ADGRB3: variants seen among roughly 807,000 people sequenced by gnomAD.
The protein encoded by ADGRB3 is adhesion G protein-coupled receptor B3, also known as brain-specific angiogenesis inhibitor 3.
ADGRB3 carries 37 observed loss-of-function variants against 193.4 expected under a neutral mutation model. The ratio of observed to expected loss-of-function variants is 0.19; its 90% confidence interval spans 0.15 to 0.25. The LOEUF (loss-of-function observed/expected upper bound fraction) is 0.25. Ranked by LOEUF, ADGRB3 falls within the 10% of genes least tolerant of loss-of-function variation. The pLI, the probability that ADGRB3 is intolerant of heterozygous loss-of-function variation, is 1.00. For missense variants in ADGRB3, 1,637 were observed against 1,852.9 expected (o/e 0.88, Z 2.14); for synonymous variants, 690 against 644.2 (o/e 1.07, Z -1.08).
intron 3 of ADGRB3, among the ~76,000 whole-genome samples, chr6:68,842,613 A>C (rs1017647784): frequency 6.6e-6 from 1 of 151,952 alleles, no homozygotes; most frequent in Non-Finnish European, 1.5e-5. Flanking sequence ...TATTGATCCT[A>C]CTCAAACTAG....
intron 17 of ADGRB3, among the ~76,000 whole-genome samples, chr6:69,168,217 G>A (rs945303549): frequency 2.6e-5 from 4 of 152,084 alleles, no homozygotes; most frequent in Non-Finnish European, 5.9e-5. Flanking sequence ...CAGTAGAAAC[G>A]TACAGTATAT....
chr6:69,011,814 T>G (rs1161142642), intron 11 of ADGRB3, among the ~76,000 whole-genome samples: 1 of 152,020 alleles, frequency 6.6e-6, no homozygotes, highest in African/African-American at 2.4e-5. Flanking sequence ...GCCCCACTGC[T>G]TGAGACATTC....
chr6:68,812,831 C>T (rs1582221841), intron 3 of ADGRB3, among the ~76,000 whole-genome samples: 1 of 151,714 alleles, frequency 6.6e-6, no homozygotes, highest in African/African-American at 2.4e-5. Flanking sequence ...CCTAGCCCCC[C>T]AACCCCCCAC....
At chr6:68,900,544 A>G (rs1479541137) in intron 3 of ADGRB3, among the ~76,000 whole-genome samples, 1 of 152,154 alleles carries the variant, frequency 6.6e-6, no homozygotes, top group Admixed American at 6.6e-5. Context: ...TTTATTAAAC[A>G]AGTAGATAGG....
chr6:69,326,114 A>G (rs1027834835), intron 21 of ADGRB3, among the ~76,000 whole-genome samples: 16 of 152,198 alleles, frequency 1.1e-4, no homozygotes, highest in Middle Eastern at 3.4e-3. Flanking sequence ...GTGATGGCAC[A>G]TACCTGTAGT....
chr6:68,902,182 C>T lies in ADGRB3; in HGVS notation c.758-28377C>T, dbSNP rs76111468. 1.5e-3 allele frequency among the ~76,000 whole-genome samples: 235 copies of T among 152,148 alleles called. 6 individuals are homozygous for T. The East Asian group carries it at 0.043, about 28-fold the overall frequency. ...GTGTGTGAATAACGAGGTATTCACACTGTTACTTCTGATTCAAAATGGCAG... is the reference window on the plus strand; with the variant it reads ...GTGTGTGAATAACGAGGTATTCACATTGTTACTTCTGATTCAAAATGGCAG... On this transcript the variant is annotated intron_variant, in intron 3 of 31. Coordinates refer to ENST00000370598, the MANE Select transcript of ADGRB3 (RefSeq NM_001704.3).
chr6:68,992,256 C>A (rs1039058960), intron 10 of ADGRB3, among the ~76,000 whole-genome samples: 3 of 152,122 alleles, frequency 2.0e-5, no homozygotes, highest in African/African-American at 4.8e-5. Flanking sequence ...GGTAGAATAT[C>A]TATTGTGAAA....
At chr6:69,263,113 A>T (rs552423238) in intron 20 of ADGRB3, among the ~76,000 whole-genome samples, 2 of 152,086 alleles carry the variant, frequency 1.3e-5, no homozygotes, top group South Asian at 4.1e-4. Flanking sequence ...CTCTCAAGAG[A>T]TATTAAAGGA....
At chr6:68,725,087 A>G (rs1765650136) in intron 3 of ADGRB3, among the ~76,000 whole-genome samples, 1 of 151,648 alleles carries the variant, frequency 6.6e-6, no homozygotes, top group Admixed American at 6.6e-5. Context: ...AAGCATTGGT[A>G]TAGTCTAGGC....
chr6:68,785,191 A>G (rs563899598), intron 3 of ADGRB3, among the ~76,000 whole-genome samples: 1 of 152,180 alleles, frequency 6.6e-6, no homozygotes, highest in Non-Finnish European at 1.5e-5. Flanking sequence ...GTTTTAGGGT[A>G]CATGTGCACA....
At chr6:69,164,982 C>T (rs1168346531) in intron 17 of ADGRB3, among the ~76,000 whole-genome samples, 1 of 151,470 alleles carries the variant, frequency 6.6e-6, no homozygotes, top group African/African-American at 2.4e-5. Flanking sequence ...CTTTCTATGC[C>T]CCACCCCTCC....
At chr6:68,779,962 G>A (rs1430763658) in intron 3 of ADGRB3, among the ~76,000 whole-genome samples, 2 of 151,950 alleles carry the variant, frequency 1.3e-5, no homozygotes, top group Non-Finnish European at 2.9e-5. Context: ...ATTTTTCTTT[G>A]AAAATAATGA....
At position 68,940,148 on chromosome 6, in the gene ADGRB3, C is replaced by G. The variant is rs191080246; in HGVS notation, c.1030+3468C>G. On this transcript the variant is annotated intron_variant, in intron 5 of 31. Coordinates refer to ENST00000370598, the MANE Select transcript of ADGRB3 (RefSeq NM_001704.3). ...TTGACATTGTACTCTCTTCAAAAGC[C>G]TTTATTACTCAAAGTAAAAAACAAT... Among the ~76,000 whole-genome samples the G allele has an allele frequency of 2.6e-5, 4 of 152,188 alleles. No individual in the cohort carries two copies. In the East Asian group the frequency reaches 7.7e-4, roughly 29 times the overall value.
intron 17 of ADGRB3, among the ~76,000 whole-genome samples, chr6:69,112,659 TAAACAA>T (rs1479632427): frequency 2.6e-5 from 4 of 151,968 alleles, no homozygotes; most frequent in Admixed American, 2.6e-4. Context: ...GATCAAAAAT[TAAACAA>T]AAATAAAAAT....
chr6:69,342,303 A>C (rs542631960), intron 26 of ADGRB3, among the ~76,000 whole-genome samples: 1 of 152,264 alleles, frequency 6.6e-6, no homozygotes, highest in Admixed American at 6.5e-5. Context: ...GCAGAGTGTC[A>C]TAACACTCTT....
intron 17 of ADGRB3, among the ~76,000 whole-genome samples, chr6:69,203,598 C>T (rs538124411): frequency 9.2e-5 from 14 of 152,190 alleles, no homozygotes; most frequent in African/African-American, 2.6e-4. Flanking sequence ...GTCTTGAAAA[C>T]GTGACCCTCA....
intron 12 of ADGRB3, among the ~76,000 whole-genome samples, chr6:69,014,559 T>C (rs1247472007): frequency 6.6e-6 from 1 of 151,980 alleles, no homozygotes; most frequent in Non-Finnish European, 1.5e-5. Flanking sequence ...TCACCAAAAA[T>C]TATGTTATGA....
chr6:68,814,738 T>A (rs1316774487), intron 3 of ADGRB3, among the ~76,000 whole-genome samples: 1 of 150,472 alleles, frequency 6.6e-6, no homozygotes, highest in Non-Finnish European at 1.5e-5. Context: ...AAATCCTTAA[T>A]AAAATACTGG....
chr6:68,909,458 T>A (rs1299583174), intron 3 of ADGRB3, among the ~76,000 whole-genome samples: 1 of 152,134 alleles, frequency 6.6e-6, no homozygotes, highest in East Asian at 1.9e-4. Context: ...ATCTCTACAT[T>A]GGTGAAGAAA....
Sources: gnomAD v4.1 joint callset for allele counts (sites outside exome capture counted in the v4.1 genomes callset) on GRCh38, gnomAD v4.1.1 for gene constraint, MANE v1.5 for transcripts, NCBI Gene and HGNC (gene_info 2026-07-23, HGNC 2026-07-21) for gene names.